CHID1: variants seen among roughly 807,000 people sequenced by gnomAD.
CHID1 encodes the protein chitinase domain containing 1.
In CHID1, 44 loss-of-function variants were observed where a neutral mutation model predicts 55.4. The observed-to-expected ratio is 0.79, with a 90% CI of 0.62 to 1.02. The LOEUF is 1.02. Among genes scored for constraint, CHID1 ranks in the 50% least tolerant of loss-of-function variants. The pLI is 0.00. For synonymous variants in CHID1, 216 were observed against 212.9 expected (o/e 1.01, Z -0.13); for missense variants, 491 against 515.3 (o/e 0.95, Z 0.46).
chr11:890,353 A>G (rs770034891), intron 8 of CHID1, among the ~76,000 whole-genome samples: 9 of 152,234 alleles, frequency 5.9e-5, no homozygotes, highest in Non-Finnish European at 7.3e-5. Context: ...GGATACGGTG[A>G]CGGCGCCCCC....
At chr11:897,292 C>T (rs1851431990) in intron 7 of CHID1, among the ~76,000 whole-genome samples, 1 of 152,204 alleles carries the variant, frequency 6.6e-6, no homozygotes, top group Non-Finnish European at 1.5e-5. Context: ...CTCCAGCCTC[C>T]ACCCCAGACA....
intron 7 of CHID1, among the ~76,000 whole-genome samples, chr11:897,578 T>C (rs1851464547): frequency 6.6e-6 from 1 of 152,152 alleles, no homozygotes; most frequent in South Asian, 2.1e-4. Flanking sequence ...AGGCACCTGA[T>C]CCTCCGGCAA....
chr11:907,530 G>T (rs923155440), intron 1 of CHID1, among the ~76,000 whole-genome samples: 4 of 152,084 alleles, frequency 2.6e-5, no homozygotes, highest in Admixed American at 2.0e-4. Flanking sequence ...GGGGTTGGGG[G>T]CAGCGGCGGT....
rs376199346 is a variant in CHID1, at chr11:903,696, G to A, written c.112-585C>T. On this transcript the variant is annotated intron_variant, in intron 2 of 12. Transcript: ENST00000323578. ...CTCGGGAGGCTGAAGCAGGAGAATC[G>A]CTTGAACCTGGGTGGCAGAGGTTGC... 9 of 222,732 alleles carry A rather than the reference G, an allele frequency of 4.0e-5. No homozygotes were observed. The East Asian group carries it at 8.7e-4, about 21-fold the overall frequency. The allele number at this position is 222,732 out of a possible 1,614,324, so 13.8% of individuals were successfully genotyped here.
At chr11:879,013 A>C (rs1849706433) in intron 10 of CHID1, among the ~76,000 whole-genome samples, 1 of 151,828 alleles carries the variant, frequency 6.6e-6, no homozygotes, top group East Asian at 2.0e-4. Context: ...CGCCCGGCTA[A>C]TTTTTTGTAT....
At chr11:884,735 C>A (rs960710877) in intron 8 of CHID1, among the ~76,000 whole-genome samples, 2 of 152,240 alleles carry the variant, frequency 1.3e-5, no homozygotes, top group Admixed American at 1.3e-4. Flanking sequence ...GGCTGTGTGG[C>A]ACATTCCCCA....
At chr11:909,488 G>A (rs891309317) in intron 1 of CHID1, among the ~76,000 whole-genome samples, 6 of 152,216 alleles carry the variant, frequency 3.9e-5, no homozygotes, top group African/African-American at 7.2e-5. Flanking sequence ...GGACCTCCTC[G>A]GTGGTGTTGA....
chr11:910,614 C>G, intron 1 of CHID1, 161 bp downstream of exon 1: 1 of 1,256,060 alleles, frequency 8.0e-7, no homozygotes. Flanking sequence ...CACACGCCCC[C>G]TCACACACTT....
At chr11:914,721 CAA>C (rs367978475), upstream of CHID1, 4,299 of 275,390 alleles carry the variant, frequency 0.016, no homozygotes, top group South Asian at 0.027. Context: ...GACCCTGTCT[CAA>C]AAAAAAAAAA....
intron 10 of CHID1, among the ~76,000 whole-genome samples, chr11:872,358 A>G (rs1849236268): frequency 6.6e-6 from 1 of 152,168 alleles, no homozygotes; most frequent in African/African-American, 2.4e-5. Flanking sequence ...GAGTTTCTCC[A>G]TGTTAGTCAT....
At chr11:872,813 T>C (rs1363148053) in intron 10 of CHID1, among the ~76,000 whole-genome samples, 2 of 152,156 alleles carry the variant, frequency 1.3e-5, no homozygotes, top group Non-Finnish European at 2.9e-5. Flanking sequence ...GGGTTGGCCC[T>C]CGGGCTGTGG....
upstream of CHID1, chr11:910,878 C>A (rs1852629248): frequency 9.4e-7 from 1 of 1,061,954 alleles, no homozygotes; most frequent in African/African-American, 1.8e-5. Flanking sequence ...CCGCGCACGG[C>A]ACGCTGGGAT....
At chr11:871,743 G>A (rs1244702085) in intron 10 of CHID1, among the ~76,000 whole-genome samples, 8 of 152,242 alleles carry the variant, frequency 5.3e-5, no homozygotes, top group Non-Finnish European at 5.9e-5. Context: ...GACCTGGGCC[G>A]TGTGGCATGG....
chr11:906,971 T>C (rs915373936), intron 1 of CHID1, among the ~76,000 whole-genome samples: 1 of 152,118 alleles, frequency 6.6e-6, no homozygotes, highest in Non-Finnish European at 1.5e-5. Context: ...GAGGTTGCGG[T>C]AAGCCGAGAT....
chr11:881,751 C>T (rs915731347), intron 10 of CHID1, among the ~76,000 whole-genome samples: 1 of 152,036 alleles, frequency 6.6e-6, no homozygotes, highest in Non-Finnish European at 1.5e-5. Flanking sequence ...CCTGTCATCC[C>T]AGCACTTTGG....
At chr11:888,627 G>A (rs1431881287) in intron 8 of CHID1, among the ~76,000 whole-genome samples, 1 of 152,224 alleles carries the variant, frequency 6.6e-6, no homozygotes, top group Non-Finnish European at 1.5e-5. Flanking sequence ...TCATTTCTGA[G>A]GAACGAAAGC....
chr11:906,600 C>T (rs1355933699), intron 1 of CHID1, among the ~76,000 whole-genome samples: 1 of 152,132 alleles, frequency 6.6e-6, no homozygotes, highest in Non-Finnish European at 1.5e-5. Context: ...ACAGGCACTG[C>T]CATGCTCGTG....
In CHID1 at chr11:868,920, C is replaced by T. The variant is rs994057529; in HGVS notation, c.*938G>A. On this transcript the variant is annotated 3_prime_UTR_variant, in exon 13 of 13. Transcript: ENST00000323578. Reference sequence around the variant, plus strand: ...TATGCCCTCTACTGCCCACCTCAGCCCTGTGGGACCCAGTGGTGAGGAGGG... The same window carrying T: ...TATGCCCTCTACTGCCCACCTCAGCTCTGTGGGACCCAGTGGTGAGGAGGG... The T allele has an allele frequency of 1.3e-5, 2 of 152,190 alleles. No homozygotes were observed. The highest frequency in any genetic ancestry group is 4.8e-5 in the African/African-American group (2 of 41,404). 9.4% of individuals were successfully genotyped at this position (152,190 alleles called of 1,614,324 possible).
chr11:898,912 C>A (rs754333682), intron 7 of CHID1, among the ~76,000 whole-genome samples: 2 of 152,208 alleles, frequency 1.3e-5, no homozygotes, highest in African/African-American at 4.8e-5. Context: ...GTCCACACCA[C>A]GGGTCCTGGC....
Sources: gnomAD v4.1 joint callset for allele counts (sites outside exome capture counted in the v4.1 genomes callset) on GRCh38, gnomAD v4.1.1 for gene constraint, MANE v1.5 for transcripts, NCBI Gene and HGNC (gene_info 2026-07-23, HGNC 2026-07-21) for gene names.